TRDN: variants seen among roughly 807,000 people sequenced by gnomAD.
TRDN encodes triadin, also known as triadin in skeletal muscle.
In TRDN, 161 loss-of-function variants were observed where a neutral mutation model predicts 149.7. That is an observed-to-expected ratio of 1.08 (90% CI 0.95 to 1.23). TRDN has a LOEUF of 1.23. Among genes scored for constraint, TRDN ranks in the 50% most tolerant of loss-of-function variants. The pLI, the probability that TRDN is intolerant of heterozygous loss-of-function variation, is 0.00. For missense variants in TRDN, 896 were observed against 823.5 expected (o/e 1.09, Z -1.08); for synonymous variants, 294 against 250.5 (o/e 1.17, Z -1.64).
At chr6:123,251,154 T>C (rs933884657) in intron 38 of TRDN, among the ~76,000 whole-genome samples, 1 of 152,146 alleles carries the variant, frequency 6.6e-6, no homozygotes, top group Non-Finnish European at 1.5e-5. Flanking sequence ...CAATTTTGTG[T>C]CCTTACAATA....
chr6:123,394,824 C>T (rs919449934), intron 12 of TRDN, among the ~76,000 whole-genome samples: 6 of 152,030 alleles, frequency 3.9e-5, no homozygotes, highest in African/African-American at 1.4e-4. Context: ...TTTGCCAAAA[C>T]TGAATTCAGT....
chr6:123,398,849 T>C (rs1772843294), intron 12 of TRDN, among the ~76,000 whole-genome samples: 2 of 152,172 alleles, frequency 1.3e-5, no homozygotes, highest in South Asian at 2.1e-4. Context: ...TGCAGAAATA[T>C]GAATAATGTA....
intron 1 of TRDN, among the ~76,000 whole-genome samples, chr6:123,625,273 C>T (rs1437136611): frequency 2.0e-5 from 3 of 152,118 alleles, no homozygotes; most frequent in Non-Finnish European, 4.4e-5. Flanking sequence ...ATATGACATT[C>T]TTTACATCAA....
chr6:123,632,099 G>C (rs1786035854), intron 1 of TRDN, among the ~76,000 whole-genome samples: 1 of 151,884 alleles, frequency 6.6e-6, no homozygotes, highest in Non-Finnish European at 1.5e-5. Flanking sequence ...CATTGTGATG[G>C]GTTGCTAACT....
At chr6:123,471,342 C>CTCT (rs1389596366) in intron 9 of TRDN, 2 of 152,116 alleles carry the variant, frequency 1.3e-5, no homozygotes, top group Non-Finnish European at 2.9e-5. Flanking sequence ...TCTTTATTGC[C>CTCT]TCTTGCATTA....
At chr6:123,225,337 T>G (rs1198675313) in intron 38 of TRDN, among the ~76,000 whole-genome samples, 1 of 151,600 alleles carries the variant, frequency 6.6e-6, no homozygotes, top group Non-Finnish European at 1.5e-5. Flanking sequence ...CCTCAAAAAT[T>G]TGTTTGTTTA....
chr6:123,327,975 C>T (rs945967591), intron 23 of TRDN, among the ~76,000 whole-genome samples: 2 of 152,048 alleles, frequency 1.3e-5, no homozygotes, highest in African/African-American at 2.4e-5. Context: ...TTGATTTTTG[C>T]GTTGTTTTGT....
At chr6:123,249,833 A>G (rs1236218070) in intron 38 of TRDN, among the ~76,000 whole-genome samples, 1 of 152,106 alleles carries the variant, frequency 6.6e-6, no homozygotes, top group Non-Finnish European at 1.5e-5. Flanking sequence ...GAAAGAAATA[A>G]ATAGAATGTC....
At chr6:123,455,471 A>G (rs946443866) in intron 10 of TRDN, among the ~76,000 whole-genome samples, 6 of 151,804 alleles carry the variant, frequency 4.0e-5, no homozygotes, top group East Asian at 1.9e-4. Context: ...AGAGAGAAGA[A>G]AAGAGGAGCG....
At chr6:123,597,187 T>C (rs1784076373) in intron 1 of TRDN, among the ~76,000 whole-genome samples, 2 of 152,048 alleles carry the variant, frequency 1.3e-5, no homozygotes, top group Non-Finnish European at 2.9e-5. Flanking sequence ...CCAACCCTCA[T>C]GATCACTTTA....
rs1339272119 is a variant in TRDN at position 123,512,302 on chromosome 6, CCTTTCGCCAG to C, written c.601_610del (p.Leu201AsnfsTer19). 2.9e-5 allele frequency: 42 copies of C among 1,455,464 alleles called. No individual in the cohort carries two copies. Among genetic ancestry groups the C allele is most frequent in the Admixed American group, 2.1e-4 (11 of 51,944 alleles). The allele number at this position is 1,455,464 out of a possible 1,614,324, so 90.2% of individuals were successfully genotyped here. On this transcript the variant is annotated frameshift_variant and splice_region_variant, in exon 7 of 41. Coordinates refer to ENST00000334268, the MANE Select transcript of TRDN (RefSeq NM_006073.4). LOFTEE classifies it high-confidence loss of function. ...ATGGAAATAATAAATTGAAAAGTTA[CCTTTCGCCAG>C]TGTCTTTGTTTCTGGTTTTTCTTTT...
intron 12 of TRDN, among the ~76,000 whole-genome samples, chr6:123,414,610 A>G (rs1773577265): frequency 6.6e-6 from 1 of 152,128 alleles, no homozygotes; most frequent in East Asian, 1.9e-4. Flanking sequence ...AGAGTTCCCA[A>G]TCAAGAACTT....
At chr6:123,295,659 A>T (rs1778165753) in intron 24 of TRDN, among the ~76,000 whole-genome samples, 1 of 152,184 alleles carries the variant, frequency 6.6e-6, no homozygotes, top group African/African-American at 2.4e-5. Context: ...TGTACCTCAT[A>T]TATATACACA....
At chr6:123,469,316 A>T (rs2114727620) in intron 9 of TRDN, among the ~76,000 whole-genome samples, 1 of 152,252 alleles carries the variant, frequency 6.6e-6, no homozygotes, top group Non-Finnish European at 1.5e-5. Context: ...CCTTACTATC[A>T]CTTGCTTCTG....
chr6:123,523,784 C>G (rs1279509718), intron 5 of TRDN, among the ~76,000 whole-genome samples: 2 of 152,082 alleles, frequency 1.3e-5, no homozygotes, highest in Non-Finnish European at 2.9e-5. Context: ...AACTAAAATT[C>G]AAATGCCTTC....
chr6:123,421,844 C>T (rs1773918206), intron 12 of TRDN, among the ~76,000 whole-genome samples: 1 of 148,948 alleles, frequency 6.7e-6, no homozygotes, highest in Non-Finnish European at 1.5e-5. Flanking sequence ...TGTGGCGGCC[C>T]ACTCCTCTAG....
chr6:123,592,113 G>C (rs1783819042), intron 1 of TRDN, among the ~76,000 whole-genome samples: 1 of 152,180 alleles, frequency 6.6e-6, no homozygotes, highest in Non-Finnish European at 1.5e-5. Flanking sequence ...ATAGACCTAA[G>C]ATGGGGGTCT....
intron 33 of TRDN, among the ~76,000 whole-genome samples, chr6:123,262,054 C>T (rs1776790964): frequency 6.6e-6 from 1 of 151,922 alleles, no homozygotes; most frequent in Non-Finnish European, 1.5e-5. Context: ...ATCCAGGTTA[C>T]AGTCTGAGTA....
At chr6:123,246,461 G>GTA (rs1776185237) in intron 38 of TRDN, among the ~76,000 whole-genome samples, 1 of 152,100 alleles carries the variant, frequency 6.6e-6, no homozygotes, top group African/African-American at 2.4e-5. Context: ...ACACTTCTAT[G>GTA]CAAATAAACT....
Sources: allele counts gnomAD v4.1 joint callset (sites outside exome capture counted in the v4.1 genomes callset), GRCh38; gene constraint gnomAD v4.1.1; transcripts MANE v1.5; gene names NCBI Gene and HGNC (gene_info 2026-07-23, HGNC 2026-07-21).